The following ELAVL2 variants were observed in gnomAD, a reference collection of about 807,000 sequenced individuals.
ELAVL2 encodes ELAV-like protein 2.
In ELAVL2, 4 loss-of-function variants were observed where a neutral mutation model predicts 34.6. The ratio of observed to expected loss-of-function variants is 0.12; its 90% CI spans 0.06 to 0.26. ELAVL2 has a LOEUF of 0.26. Ranked by LOEUF, ELAVL2 falls within the 10% of genes least tolerant of loss-of-function variation. ELAVL2 has a pLI of 1.00. For synonymous variants in ELAVL2, 193 were observed against 154.8 expected (o/e 1.25, Z -1.83); for missense variants, 432 against 442.8 (o/e 0.98, Z 0.22).
chr9:23,758,442 T>C (rs1348317166), intron 2 of ELAVL2, among the ~76,000 whole-genome samples: 1 of 152,128 alleles, frequency 6.6e-6, no homozygotes, highest in African/African-American at 2.4e-5. Context: ...GTGAGATCCT[T>C]CTAAAAGCCA....
intron 2 of ELAVL2, among the ~76,000 whole-genome samples, chr9:23,732,859 T>C (rs1176269727): frequency 1.3e-5 from 2 of 152,146 alleles, no homozygotes; most frequent in Non-Finnish European, 2.9e-5. Flanking sequence ...GATGAAAATA[T>C]TCATTAATGA....
At chr9:23,698,654 C>T (rs939850756) in intron 5 of ELAVL2, among the ~76,000 whole-genome samples, 6 of 151,960 alleles carry the variant, frequency 3.9e-5, no homozygotes, top group African/African-American at 1.2e-4. Flanking sequence ...CAAAATATAT[C>T]TGTGTGATGA....
chr9:23,699,827 T>G (rs1299229108), intron 5 of ELAVL2, among the ~76,000 whole-genome samples: 3 of 42,550 alleles, frequency 7.1e-5, no homozygotes, highest in Non-Finnish European at 1.4e-4. Context: ...TTTTTTTTTT[T>G]TTTTTTTTTT....
chr9:23,766,278 T>G (rs1360080942), intron 1 of ELAVL2, among the ~76,000 whole-genome samples: 1 of 152,134 alleles, frequency 6.6e-6, no homozygotes, highest in Non-Finnish European at 1.5e-5. Flanking sequence ...ACAAGAGATT[T>G]TGGTCTGACC....
chr9:23,832,808 T>C, the ELAVL2 span, among the ~76,000 whole-genome samples: 4 of 152,314 alleles, frequency 2.6e-5, no homozygotes, highest in South Asian at 6.2e-4. Context: ...TATAAAGGCT[T>C]ATATCACTTT....
chr9:23,696,227 G>A (rs777643641), intron 5 of ELAVL2, among the ~76,000 whole-genome samples: 20 of 152,060 alleles, frequency 1.3e-4, no homozygotes, highest in Non-Finnish European at 2.8e-4. Flanking sequence ...GTATGCATCT[G>A]AGCCCAGAAG....
chr9:23,804,182 T>A (rs1002584306), intron 1 of ELAVL2, among the ~76,000 whole-genome samples: 1 of 136,544 alleles, frequency 7.3e-6, no homozygotes, highest in African/African-American at 2.6e-5. Flanking sequence ...TATTTATTTA[T>A]TTTTTTTTTG....
chr9:23,715,557 T>G (rs993107942), intron 3 of ELAVL2, among the ~76,000 whole-genome samples: 3 of 152,234 alleles, frequency 2.0e-5, no homozygotes, highest in African/African-American at 7.2e-5. Flanking sequence ...CTAAATTGGC[T>G]TGCAGAAAAT....
chr9:23,704,956 C>T lies in ELAVL2; in HGVS notation c.449G>A (p.Arg150His), dbSNP rs1270239548. 21 of 1,613,920 alleles carry T rather than the reference C, an allele frequency of 1.3e-5. No individual in the cohort carries two copies. Among genetic ancestry groups the T allele is most frequent in the East Asian group, 6.7e-5 (3 of 44,880 alleles). The change falls in exon 4 of 7, where the codon CGC becomes CAC. Residue 150 changes from arginine to histidine, a missense_variant. Physicochemically the swap from Arg to His is conservative, Grantham distance 29 (BLOSUM62 0). Coordinates refer to ENST00000397312, the MANE Select transcript of ELAVL2 (RefSeq NM_004432.5). ...ELEQLFSQYG[R>H]IITSRILVDQ... Reference sequence around the variant, plus strand: ...GACAAGAATACGAGAAGTAATAATGCGTCCATATTGTGAAAAAAGCTGTTC... The same window carrying T: ...GACAAGAATACGAGAAGTAATAATGTGTCCATATTGTGAAAAAAGCTGTTC...
intron 1 of ELAVL2, among the ~76,000 whole-genome samples, chr9:23,803,366 T>G (rs556820867): frequency 1.1e-4 from 17 of 152,178 alleles, no homozygotes; most frequent in Non-Finnish European, 2.4e-4. Context: ...TTACACTGGT[T>G]TAGAAAAATG....
intron 1 of ELAVL2, among the ~76,000 whole-genome samples, chr9:23,784,148 A>G (rs1304501912): frequency 6.6e-6 from 1 of 151,816 alleles, no homozygotes; most frequent in Non-Finnish European, 1.5e-5. Context: ...CTGTGAGCCG[A>G]GATTGCGCCA....
At chr9:23,813,386 C>G (rs3829092) in intron 1 of ELAVL2, among the ~76,000 whole-genome samples, 5,109 of 149,246 alleles carry the variant, frequency 0.034, 267 homozygotes, top group Admixed American at 0.13. Flanking sequence ...CACACATAAA[C>G]CACACACCTG....
At chr9:23,743,058 T>G (rs1228750107) in intron 2 of ELAVL2, among the ~76,000 whole-genome samples, 1 of 152,154 alleles carries the variant, frequency 6.6e-6, no homozygotes, top group African/African-American at 2.4e-5. Flanking sequence ...GGAATCCTAA[T>G]GGAACACAGT....
rs557652532 is a variant in ELAVL2 at position 23,695,274 on chromosome 9, G to A, written c.714-1788C>T. On this transcript the variant is annotated intron_variant, in intron 5 of 6. Transcript: ENST00000397312. ...CATATGCTACCTGTAGAAGAGAACC[G>A]CATACTGAGGTCTCCAACCAAAGTG... 4.6e-5 allele frequency among the ~76,000 whole-genome samples: 7 copies of A among 152,228 alleles called. 1 individual carries two copies. The South Asian group carries it at 1.5e-3, about 32-fold the overall frequency.
At chr9:23,806,651 A>T (rs1199373155) in intron 1 of ELAVL2, among the ~76,000 whole-genome samples, 2 of 152,062 alleles carry the variant, frequency 1.3e-5, no homozygotes, top group African/African-American at 4.8e-5. Context: ...AGACAATAAG[A>T]CCCACTATAT....
rs945506522 is a variant in ELAVL2 at position 23,691,094 on chromosome 9, T to C, written c.*1463A>G. 6.6e-6 allele frequency: 1 copy of C among 152,564 alleles called. No homozygotes were observed. The highest frequency in any genetic ancestry group is 1.5e-5 in the Non-Finnish European group (1 of 68,000). 9.5% of individuals were successfully genotyped at this position (152,564 alleles called of 1,614,324 possible). ...CATAAACAGCTGAAGCTAGACTATCTACAGACAAAATTTGCAACAAATCTG... is the reference window on the plus strand; with the variant it reads ...CATAAACAGCTGAAGCTAGACTATCCACAGACAAAATTTGCAACAAATCTG... On this transcript the variant is annotated 3_prime_UTR_variant, in exon 7 of 7. Transcript: ENST00000397312.
At chr9:23,765,699 G>A (rs1046839074) in intron 1 of ELAVL2, among the ~76,000 whole-genome samples, 1 of 152,110 alleles carries the variant, frequency 6.6e-6, no homozygotes, top group African/African-American at 2.4e-5. Context: ...GTTTCAATGA[G>A]AATTGCTCAC....
At chr9:23,716,329 T>C (rs1467388386) in intron 3 of ELAVL2, among the ~76,000 whole-genome samples, 2 of 152,180 alleles carry the variant, frequency 1.3e-5, no homozygotes, top group African/African-American at 2.4e-5. Flanking sequence ...AAAATATGTA[T>C]ATATAAAAAA....
At chr9:23,724,564 CA>C (rs1220307279) in intron 3 of ELAVL2, among the ~76,000 whole-genome samples, 2 of 152,092 alleles carry the variant, frequency 1.3e-5, no homozygotes, top group African/African-American at 4.8e-5. Context: ...GAGCATTCTA[CA>C]AAACACATGA....
Sources: gnomAD v4.1 joint callset for allele counts (sites outside exome capture counted in the v4.1 genomes callset) on GRCh38, gnomAD v4.1.1 for gene constraint, MANE v1.5 for transcripts, NCBI Gene and HGNC (gene_info 2026-07-23, HGNC 2026-07-21) for gene names.